Variants in SMYD3 observed in about 807,000 individuals in gnomAD.
SMYD3 encodes histone-lysine N-methyltransferase SMYD3.
In SMYD3, 36 loss-of-function variants were observed where a neutral mutation model predicts 57.7. The ratio of observed to expected loss-of-function variants is 0.62; its 90% CI spans 0.48 to 0.82. The LOEUF (loss-of-function observed/expected upper bound fraction) is 0.82, where lower values mean the gene tolerates loss of function less well. Among genes scored for constraint, SMYD3 ranks in the 40% least tolerant of loss-of-function variants. SMYD3 has a pLI of 0.00. For missense variants in SMYD3, 515 were observed against 538.8 expected (o/e 0.96, Z 0.44); for synonymous variants, 211 against 195.0 (o/e 1.08, Z -0.68).
At chr1:246,097,229 G>A (rs1329042504) in intron 5 of SMYD3, among the ~76,000 whole-genome samples, 1 of 152,064 alleles carries the variant, frequency 6.6e-6, no homozygotes, top group Admixed American at 6.5e-5. Flanking sequence ...CTTGCACCAA[G>A]CCTGAGGAGG....
intron 8 of SMYD3, among the ~76,000 whole-genome samples, chr1:245,896,916 A>G (rs2053851456): frequency 6.6e-6 from 1 of 152,226 alleles, no homozygotes; most frequent in Non-Finnish European, 1.5e-5. Context: ...GAACAAAACA[A>G]AAAAACTGTC....
At chr1:246,421,914 C>T (rs1417924026) in intron 1 of SMYD3, among the ~76,000 whole-genome samples, 2 of 152,194 alleles carry the variant, frequency 1.3e-5, no homozygotes, top group Non-Finnish European at 2.9e-5. Flanking sequence ...CTTTCCTCTG[C>T]CTTTTTGGTC....
chr1:246,476,808 T>C (rs539587051), intron 1 of SMYD3, among the ~76,000 whole-genome samples: 1 of 152,242 alleles, frequency 6.6e-6, no homozygotes, highest in Non-Finnish European at 1.5e-5. Flanking sequence ...TTTTCTTTTT[T>C]GCAGACAAGC....
intron 5 of SMYD3, among the ~76,000 whole-genome samples, chr1:246,238,648 T>C (rs1350138509): frequency 6.6e-6 from 1 of 152,174 alleles, no homozygotes; most frequent in Non-Finnish European, 1.5e-5. Context: ...TTTTCGTTTT[T>C]TTGCTTTTCT....
chr1:246,239,777 G>A (rs539987939), intron 5 of SMYD3, among the ~76,000 whole-genome samples: 9 of 152,070 alleles, frequency 5.9e-5, no homozygotes, highest in South Asian at 2.1e-4. Flanking sequence ...TTTAATGATC[G>A]CCATTCTAAC....
intron 5 of SMYD3, among the ~76,000 whole-genome samples, chr1:245,931,346 G>A (rs1007923153): frequency 6.6e-6 from 1 of 152,204 alleles, no homozygotes; most frequent in African/African-American, 2.4e-5. Context: ...ACAGCCAACA[G>A]GCCTTACTTA....
intron 10 of SMYD3, among the ~76,000 whole-genome samples, chr1:245,772,185 C>T (rs923252021): frequency 6.6e-6 from 1 of 152,236 alleles, no homozygotes; most frequent in African/African-American, 2.4e-5. Context: ...ACTCCCCCAT[C>T]TCTATGTGAG....
At chr1:246,374,375 G>T (rs2066237395) in intron 1 of SMYD3, among the ~76,000 whole-genome samples, 1 of 152,202 alleles carries the variant, frequency 6.6e-6, no homozygotes, top group Admixed American at 6.5e-5. Flanking sequence ...GGCCAAAAAT[G>T]TGTGTCGCCC....
chr1:246,416,700 T>A (rs994665395), intron 1 of SMYD3, among the ~76,000 whole-genome samples: 1 of 151,992 alleles, frequency 6.6e-6, no homozygotes, highest in African/African-American at 2.4e-5. Flanking sequence ...GAAAATGATA[T>A]CCTGAAGTAT....
At chr1:246,392,624 T>A (rs1376730359) in intron 1 of SMYD3, among the ~76,000 whole-genome samples, 2 of 151,826 alleles carry the variant, frequency 1.3e-5, no homozygotes, top group African/African-American at 4.8e-5. Flanking sequence ...ATTATTAAAT[T>A]TTTTGTAGAG....
intron 5 of SMYD3, among the ~76,000 whole-genome samples, chr1:246,099,293 T>C (rs1175881901): frequency 5.9e-5 from 9 of 152,190 alleles, no homozygotes; most frequent in Non-Finnish European, 1.5e-5. Context: ...TTGACCATTC[T>C]ATCTACCCAT....
intron 5 of SMYD3, among the ~76,000 whole-genome samples, chr1:246,110,595 C>T (rs530333642): frequency 7.9e-5 from 12 of 152,324 alleles, no homozygotes; most frequent in Non-Finnish European, 8.8e-5. Flanking sequence ...CCTGGCTCCC[C>T]GCTGCAAGAC....
intron 5 of SMYD3, among the ~76,000 whole-genome samples, chr1:245,969,248 T>C (rs1282609259): frequency 6.6e-6 from 1 of 152,200 alleles, no homozygotes; most frequent in Non-Finnish European, 1.5e-5. Context: ...AATTAATGAC[T>C]CTTCAGTGGC....
intron 1 of SMYD3, among the ~76,000 whole-genome samples, chr1:246,361,811 G>T (rs10802396): frequency 0.94 from 143,774 of 152,142 alleles, 67,973 homozygotes; most frequent in East Asian, 1. Flanking sequence ...TTGGGAAGGG[G>T]TGAGGGATAA....
At chr1:245,885,480 T>C (rs1188016171) in intron 8 of SMYD3, among the ~76,000 whole-genome samples, 1 of 152,184 alleles carries the variant, frequency 6.6e-6, no homozygotes, top group Non-Finnish European at 1.5e-5. Context: ...AAGATGTGAT[T>C]TGGGGACTGC....
intron 5 of SMYD3, among the ~76,000 whole-genome samples, chr1:246,204,096 G>A (rs1169054147): frequency 6.6e-6 from 1 of 152,144 alleles, no homozygotes; most frequent in African/African-American, 2.4e-5. Flanking sequence ...TGTTTTGTAA[G>A]AGAACCCAGA....
intron 5 of SMYD3, among the ~76,000 whole-genome samples, chr1:246,102,347 G>A (rs1322048814): frequency 6.6e-6 from 1 of 152,116 alleles, no homozygotes; most frequent in Admixed American, 6.5e-5. Context: ...TCTCTCAGGT[G>A]TCTCCCTTCT....
intron 8 of SMYD3, among the ~76,000 whole-genome samples, chr1:245,888,717 G>A (rs187616723): frequency 3.9e-5 from 6 of 152,284 alleles, no homozygotes; most frequent in African/African-American, 1.4e-4. Context: ...GCTCTCTCAC[G>A]TCTACCTTTT....
chr1:246,157,092 C>T (rs1204551801), intron 5 of SMYD3, among the ~76,000 whole-genome samples: 3 of 152,256 alleles, frequency 2.0e-5, no homozygotes, highest in Non-Finnish European at 4.4e-5. Context: ...TTAGCGCTTA[C>T]ATCACCAAAG....
Sources: gnomAD v4.1 joint callset for allele counts (sites outside exome capture counted in the v4.1 genomes callset) on GRCh38, gnomAD v4.1.1 for gene constraint, MANE v1.5 for transcripts, NCBI Gene and HGNC (gene_info 2026-07-23, HGNC 2026-07-21) for gene names.